NKAIN3: variants seen among roughly 807,000 people sequenced by gnomAD.
NKAIN3 encodes the protein sodium/potassium-transporting ATPase subunit beta-1-interacting protein 3.
A neutral mutation model predicts 30.2 loss-of-function variants in NKAIN3; 25 were observed. The ratio of observed to expected loss-of-function variants is 0.83; its 90% CI spans 0.60 to 1.16. The LOEUF (loss-of-function observed/expected upper bound fraction) is 1.16. NKAIN3 is among the 50% of genes most tolerant of loss of function. The probability of loss-of-function intolerance (pLI) is 0.00; values close to 1 mark genes in which losing one functional copy is unlikely to be tolerated. For missense variants in NKAIN3, 225 were observed against 254.1 expected, an observed-to-expected ratio of 0.89 and a Z score of 0.78; for synonymous variants, 91 against 89.6, an observed-to-expected ratio of 1.02 and a Z score of -0.09.
At chr8:62,319,455 T>C (rs1814791585) in intron 1 of NKAIN3, among the ~76,000 whole-genome samples, 1 of 152,226 alleles carries the variant, frequency 6.6e-6, no homozygotes, top group African/African-American at 2.4e-5. Flanking sequence ...TCCTGCTTTC[T>C]CTTGTGGGCA....
At chr8:62,912,417 T>C (rs1311130083) in intron 4 of NKAIN3, among the ~76,000 whole-genome samples, 1 of 152,224 alleles carries the variant, frequency 6.6e-6, no homozygotes, top group Non-Finnish European at 1.5e-5. Context: ...CTTTCTTCAA[T>C]AATAAATTCA....
chr8:62,728,125 G>A (rs1366479237), intron 3 of NKAIN3, among the ~76,000 whole-genome samples: 2 of 151,956 alleles, frequency 1.3e-5, no homozygotes, highest in African/African-American at 4.8e-5. Flanking sequence ...CAATAATCTA[G>A]ACATAGACTT....
intron 4 of NKAIN3, among the ~76,000 whole-genome samples, chr8:62,888,974 T>G (rs948285607): frequency 6.6e-6 from 1 of 152,204 alleles, no homozygotes; most frequent in Non-Finnish European, 1.5e-5. Flanking sequence ...TTTCAATTTT[T>G]AGCAAAAGTT....
chr8:62,724,867 C>T (rs1234338976), intron 3 of NKAIN3, among the ~76,000 whole-genome samples: 5 of 151,944 alleles, frequency 3.3e-5, no homozygotes, highest in Admixed American at 6.6e-5. Flanking sequence ...TTTGATATAC[C>T]GATGTCCTTT....
intron 1 of NKAIN3, among the ~76,000 whole-genome samples, chr8:62,573,515 C>T (rs781346909): frequency 6.6e-6 from 1 of 151,824 alleles, no homozygotes; most frequent in Admixed American, 6.6e-5. Flanking sequence ...CCCTCCTCTC[C>T]TCCTTCTTTC....
chr8:62,664,111 G>T (rs1813026499), intron 3 of NKAIN3, among the ~76,000 whole-genome samples: 1 of 151,916 alleles, frequency 6.6e-6, no homozygotes, highest in African/African-American at 2.4e-5. Flanking sequence ...TTTCCTGGTA[G>T]ATCCCCTTTC....
intron 1 of NKAIN3, among the ~76,000 whole-genome samples, chr8:62,419,882 TG>T (rs1315420695): frequency 6.6e-6 from 1 of 152,194 alleles, no homozygotes; most frequent in East Asian, 1.9e-4. Flanking sequence ...TGCCCATCCT[TG>T]TTTTTTCAAT....
At position 62,968,331 on chromosome 8, in the gene NKAIN3, C is replaced by G. The variant is rs1005112509; in HGVS notation, c.*2924C>G. Among the ~76,000 whole-genome samples the G allele has an allele frequency of 1.3e-5, 2 of 152,174 alleles. No individual in the cohort carries two copies. Among genetic ancestry groups the G allele is most frequent in the Non-Finnish European group, 2.9e-5 (2 of 68,030 alleles). On this transcript the variant is annotated 3_prime_UTR_variant, in exon 7 of 7. Transcript: ENST00000623646. Reference sequence around the variant, plus strand: ...ACAGTTACTGTTCCATGGAAATGAGCATTTGCAGTTATTGCTTTTGCCTCC... The same window carrying G: ...ACAGTTACTGTTCCATGGAAATGAGGATTTGCAGTTATTGCTTTTGCCTCC...
chr8:62,905,392 C>T (rs1358289442), intron 4 of NKAIN3, among the ~76,000 whole-genome samples: 1 of 152,034 alleles, frequency 6.6e-6, no homozygotes, highest in African/African-American at 2.4e-5. Context: ...GAGTACCTAC[C>T]TCAAATTGTG....
At chr8:62,472,445 G>A (rs181509260) in intron 1 of NKAIN3, among the ~76,000 whole-genome samples, 136 of 152,244 alleles carry the variant, frequency 8.9e-4, no homozygotes, top group African/African-American at 2.0e-3. Flanking sequence ...CTATCTGGAG[G>A]ATATTCTTAT....
intron 4 of NKAIN3, among the ~76,000 whole-genome samples, chr8:62,893,526 T>C (rs914336354): frequency 6.6e-6 from 1 of 152,238 alleles, no homozygotes; most frequent in Admixed American, 6.5e-5. Flanking sequence ...CTATGGGCTA[T>C]GGGCTGGACA....
At chr8:62,871,544 A>C (rs1586294625) in intron 4 of NKAIN3, among the ~76,000 whole-genome samples, 1 of 152,382 alleles carries the variant, frequency 6.6e-6, no homozygotes, top group Non-Finnish European at 1.5e-5. Flanking sequence ...TATTAACTGT[A>C]GTTACCATGC....
chr8:62,461,362 T>G (rs1460193509), intron 1 of NKAIN3, among the ~76,000 whole-genome samples: 1 of 152,216 alleles, frequency 6.6e-6, no homozygotes, highest in Non-Finnish European at 1.5e-5. Flanking sequence ...AGACCGTAAG[T>G]GCATTCCCAG....
intron 4 of NKAIN3, among the ~76,000 whole-genome samples, chr8:62,768,251 T>A (rs992090408): frequency 6.6e-6 from 1 of 152,202 alleles, no homozygotes; most frequent in African/African-American, 2.4e-5. Context: ...TTCATACATA[T>A]TCAGCTATTT....
intron 1 of NKAIN3, among the ~76,000 whole-genome samples, chr8:62,511,853 C>A (rs779440979): frequency 6.6e-6 from 1 of 152,176 alleles, no homozygotes; most frequent in Non-Finnish European, 1.5e-5. Flanking sequence ...CCTTTCTTAA[C>A]ATTTGGATCC....
chr8:62,383,480 A>G (rs1419761285), intron 1 of NKAIN3: 1 of 454,894 alleles, frequency 2.2e-6, no homozygotes, highest in Non-Finnish European at 4.4e-6. Flanking sequence ...AGAATAGGGC[A>G]CTTTTGTCTG....
At chr8:62,364,828 CAAAAAAAAA>C (rs58784999) in intron 1 of NKAIN3, among the ~76,000 whole-genome samples, 2 of 63,760 alleles carry the variant, frequency 3.1e-5, no homozygotes, top group East Asian at 4.9e-4. Flanking sequence ...GACTCCACTA[CAAAAAAAAA>C]AAAAAAAAAA....
intron 4 of NKAIN3, among the ~76,000 whole-genome samples, chr8:62,865,048 C>T (rs557726216): frequency 2.6e-5 from 4 of 152,160 alleles, no homozygotes; most frequent in Non-Finnish European, 4.4e-5. Flanking sequence ...GGGGAGAGTC[C>T]GGTTTACTGA....
At chr8:62,331,012 CTA>C (rs1465094396) in intron 1 of NKAIN3, among the ~76,000 whole-genome samples, 13 of 139,806 alleles carry the variant, frequency 9.3e-5, no homozygotes, top group Admixed American at 7.2e-5. Flanking sequence ...CTCTCTCTCT[CTA>C]TATATATGTA....
Sources: allele counts gnomAD v4.1 joint callset (sites outside exome capture counted in the v4.1 genomes callset), GRCh38; gene constraint gnomAD v4.1.1; transcripts MANE v1.5; gene names NCBI Gene and HGNC (gene_info 2026-07-23, HGNC 2026-07-21).